OTUD7A: variants seen among roughly 807,000 people sequenced by gnomAD.
OTUD7A encodes the protein OTU deubiquitinase 7A, also known as OTU domain-containing protein 7A.
A neutral mutation model predicts 65.7 loss-of-function variants in OTUD7A; 12 were observed. The ratio of observed to expected loss-of-function variants is 0.18; its 90% CI spans 0.12 to 0.30. The LOEUF (loss-of-function observed/expected upper bound fraction) is 0.30. Among genes scored for constraint, OTUD7A ranks in the 10% least tolerant of loss-of-function variants. The pLI, the probability that OTUD7A is intolerant of heterozygous loss-of-function variation, is 1.00. For synonymous variants in OTUD7A, 641 were observed against 586.3 expected (o/e 1.09, Z -1.35); for missense variants, 1,148 against 1,304.8 (o/e 0.88, Z 1.85).
chr15:31,773,144 T>C (rs1895285499), intron 1 of OTUD7A, among the ~76,000 whole-genome samples: 1 of 152,250 alleles, frequency 6.6e-6, no homozygotes, highest in South Asian at 2.1e-4. Flanking sequence ...TCCATTTAAA[T>C]GACAAAATGC....
intron 5 of OTUD7A, among the ~76,000 whole-genome samples, chr15:31,543,102 G>C (rs1254755427): frequency 6.6e-6 from 1 of 151,812 alleles, no homozygotes; most frequent in Non-Finnish European, 1.5e-5. Flanking sequence ...ACTAATGTCT[G>C]ATGAGATTAA....
chr15:31,516,876 G>A (rs577289042), intron 8 of OTUD7A, among the ~76,000 whole-genome samples: 1 of 152,278 alleles, frequency 6.6e-6, no homozygotes, highest in African/African-American at 2.4e-5. Context: ...CCATGCCCAG[G>A]ATCTATAAGT....
chr15:31,841,990 A>G (rs1363957207), intron 1 of OTUD7A, among the ~76,000 whole-genome samples: 2 of 152,222 alleles, frequency 1.3e-5, no homozygotes, highest in Non-Finnish European at 2.9e-5. Flanking sequence ...CATACTGTTC[A>G]TAATAGCCCA....
At chr15:31,485,909 C>T (rs2041230197) in intron 12 of OTUD7A, among the ~76,000 whole-genome samples, 1 of 152,200 alleles carries the variant, frequency 6.6e-6, no homozygotes, top group South Asian at 2.1e-4. Context: ...ACCTCCCACT[C>T]TGACATTCCT....
intron 9 of OTUD7A, 76 bp from the exon 10 acceptor site, chr15:31,501,915 C>G: frequency 6.8e-7 from 1 of 1,476,278 alleles, no homozygotes; most frequent in Non-Finnish European, 9.2e-7. Flanking sequence ...GCATCCCTGT[C>G]CCTCACTACC....
chr15:31,589,425 G>A (rs924788733), intron 3 of OTUD7A, among the ~76,000 whole-genome samples: 2 of 148,596 alleles, frequency 1.3e-5, no homozygotes, highest in Admixed American at 1.3e-4. Context: ...TTAGCCTCCC[G>A]AGTAGCTGGG....
chr15:31,858,272 A>G (rs994503178), intron 1 of OTUD7A, among the ~76,000 whole-genome samples: 1 of 152,160 alleles, frequency 6.6e-6, no homozygotes, highest in Non-Finnish European at 1.5e-5. Context: ...ACAGCCACTG[A>G]CCAGAGTAGT....
chr15:31,582,778 A>G (rs1405192150), intron 3 of OTUD7A, among the ~76,000 whole-genome samples: 3 of 152,174 alleles, frequency 2.0e-5, no homozygotes, highest in Non-Finnish European at 4.4e-5. Context: ...GCAAAACCAT[A>G]TCAATACCAC....
At chr15:31,597,256 C>A (rs1489360065) in intron 3 of OTUD7A, among the ~76,000 whole-genome samples, 1 of 152,188 alleles carries the variant, frequency 6.6e-6, no homozygotes, top group South Asian at 2.1e-4. Context: ...TTTGATGAAC[C>A]AAAATTTTTT....
At chr15:31,564,067 A>AAAT (rs3075493) in intron 4 of OTUD7A, among the ~76,000 whole-genome samples, 6,326 of 151,058 alleles carry the variant, frequency 0.042, 189 homozygotes, top group Non-Finnish European at 0.058. Context: ...TCAGAATGCA[A>AAAT]AATAATAATA....
intron 1 of OTUD7A, among the ~76,000 whole-genome samples, chr15:31,787,089 C>T (rs1214637706): frequency 6.6e-6 from 1 of 152,148 alleles, no homozygotes; most frequent in African/African-American, 2.4e-5. Context: ...ACAGACGAGG[C>T]TGTTTGAACC....
rs532538542 is a variant in OTUD7A, at chr15:31,629,097, C to T, written c.151+25999G>A. On this transcript the variant is annotated intron_variant, in intron 3 of 12. Transcript: ENST00000307050. Reference sequence around the variant, plus strand: ...AATACCCTTTATTTCCTTCTCCTGCCTAATTGCCCTGGCCAGAACTTCCAA... The same window carrying T: ...AATACCCTTTATTTCCTTCTCCTGCTTAATTGCCCTGGCCAGAACTTCCAA... 3.9e-5 allele frequency among the ~76,000 whole-genome samples: 6 copies of T among 152,110 alleles called. No homozygotes were observed. In the South Asian group the frequency reaches 1.2e-3, roughly 32 times the overall value.
intron 1 of OTUD7A, among the ~76,000 whole-genome samples, chr15:31,775,062 G>A (rs1311700481): frequency 1.3e-5 from 2 of 148,366 alleles, no homozygotes; most frequent in Admixed American, 6.7e-5. Flanking sequence ...ATGCATGCAC[G>A]TGTGTACGCT....
intron 1 of OTUD7A, among the ~76,000 whole-genome samples, chr15:31,794,596 G>A (rs987786688): frequency 4.6e-5 from 7 of 151,178 alleles, no homozygotes; most frequent in Non-Finnish European, 1.0e-4. Flanking sequence ...ACAAGTGCTG[G>A]CTGGCCTTGT....
chr15:31,742,393 G>GA (rs746244829), intron 1 of OTUD7A, among the ~76,000 whole-genome samples: 4 of 151,674 alleles, frequency 2.6e-5, no homozygotes, highest in Non-Finnish European at 4.4e-5. Context: ...CAGATTAAGG[G>GA]AAAAAAAATT....
intron 3 of OTUD7A, among the ~76,000 whole-genome samples, chr15:31,612,234 A>C (rs1890447776): frequency 6.6e-6 from 1 of 152,218 alleles, no homozygotes; most frequent in Non-Finnish European, 1.5e-5. Flanking sequence ...TGAGAACTGG[A>C]ACAAGACAAG....
intron 5 of OTUD7A, among the ~76,000 whole-genome samples, chr15:31,531,520 C>CA (rs60332452): frequency 0.16 from 12,497 of 80,466 alleles, 952 homozygotes; most frequent in East Asian, 0.26. Flanking sequence ...GAGTAGGCCA[C>CA]AAAAAAAAAA....
At chr15:31,543,373 G>C (rs1392253809) in intron 5 of OTUD7A, among the ~76,000 whole-genome samples, 1 of 151,828 alleles carries the variant, frequency 6.6e-6, no homozygotes, top group East Asian at 1.9e-4. Flanking sequence ...AGATGTGTAA[G>C]GAGAGAATAA....
intron 5 of OTUD7A, chr15:31,556,622 G>GT (rs941575409): frequency 1.3e-5 from 2 of 152,246 alleles, no homozygotes; most frequent in African/African-American, 2.4e-5. Context: ...CAAGGAGAAG[G>GT]TAACATGGTG....
Sources: gnomAD v4.1 joint callset for allele counts (sites outside exome capture counted in the v4.1 genomes callset) on GRCh38, gnomAD v4.1.1 for gene constraint, MANE v1.5 for transcripts, NCBI Gene and HGNC (gene_info 2026-07-23, HGNC 2026-07-21) for gene names.